The following THBS4 variants were observed in gnomAD, a reference collection of about 807,000 sequenced individuals.
THBS4 encodes thrombospondin 4.
Under a neutral mutation model 115.7 loss-of-function variants are expected in THBS4, and 90 were observed. The ratio of observed to expected loss-of-function variants is 0.78; its 90% CI spans 0.66 to 0.93. The LOEUF (loss-of-function observed/expected upper bound fraction) is 0.93. THBS4 is among the 40% of genes least tolerant of loss of function. THBS4 has a pLI of 0.00. For synonymous variants in THBS4, 460 were observed against 479.3 expected (o/e 0.96, Z 0.53); for missense variants, 1,087 against 1,232.7 (o/e 0.88, Z 1.77).
Position 79,993,645 on chromosome 5 carries a change from G to A in THBS4, n.81+2233G>A, listed in dbSNP as rs755055756. On this transcript the variant is annotated intron_variant and non_coding_transcript_variant, in intron 1 of 3. Coordinates refer to the THBS4 transcript ENST00000510218. ...TTTTCAAAAGATGATCATTAAGAAT[G>A]GTTTCATCTGGTGATAGTCATCTGA... is the stretch of plus-strand genomic sequence containing the variant. Among the ~76,000 whole-genome samples the A allele has an allele frequency of 1.0e-3, 155 of 152,278 alleles. No homozygotes were observed. The Middle Eastern group carries it at 0.014, about 13-fold the overall frequency.
chr5:80,012,821 T>G (rs1199631952), intron 2 of THBS4, among the ~76,000 whole-genome samples: 1 of 152,224 alleles, frequency 6.6e-6, no homozygotes, highest in Non-Finnish European at 1.5e-5. Context: ...AATTTCACTC[T>G]ACTTAAGTAG....
chr5:80,029,731 G>A lies in THBS4; in HGVS notation n.178-10346G>A, dbSNP rs554650289. On this transcript the variant is annotated intron_variant and non_coding_transcript_variant, in intron 2 of 3. Transcript: ENST00000510218. ...TCCCAGCACTTTGGGAGGCCGAGGC[G>A]GGCTGATCGTGAGGTCAGGAGATTG... 3.3e-4 allele frequency among the ~76,000 whole-genome samples: 50 copies of A among 151,878 alleles called. 1 individual carries two copies. Among genetic ancestry groups the A allele is most frequent in the African/African-American group, 1.1e-3 (44 of 41,402 alleles).
chr5:79,996,615 G>A (rs1323030771), intron 1 of THBS4, among the ~76,000 whole-genome samples: 1 of 152,156 alleles, frequency 6.6e-6, no homozygotes. Flanking sequence ...AGCATAAAAA[G>A]CCAAGTTCAT....
chr5:80,008,412 G>GT (rs536055656), intron 2 of THBS4, among the ~76,000 whole-genome samples: 150 of 151,020 alleles, frequency 9.9e-4, no homozygotes, highest in Non-Finnish European at 1.7e-3. Context: ...CCACATTATT[G>GT]TTTTTTTTTA....
chr5:80,021,678 C>A (rs1419788939), intron 2 of THBS4, among the ~76,000 whole-genome samples: 1 of 151,990 alleles, frequency 6.6e-6, no homozygotes, highest in Non-Finnish European at 1.5e-5. Context: ...TTTGTAGACA[C>A]GGGGTCTGTG....
intron 2 of THBS4, among the ~76,000 whole-genome samples, chr5:80,020,299 C>T (rs1296635209): frequency 6.6e-6 from 1 of 151,972 alleles, no homozygotes; most frequent in Non-Finnish European, 1.5e-5. Flanking sequence ...GGTGAAACCC[C>T]GTCTCTGCTA....
chr5:80,058,428 C>T (rs761775872), intron 4 of THBS4, 114 bp downstream of exon 4: 20 of 735,940 alleles, frequency 2.7e-5, no homozygotes, highest in Middle Eastern at 3.8e-4. Context: ...CCCAACAAAA[C>T]GTATCTATGA....
At chr5:80,055,279 C>G (rs1440505562) in intron 2 of THBS4, among the ~76,000 whole-genome samples, 1 of 151,466 alleles carries the variant, frequency 6.6e-6, no homozygotes, top group African/African-American at 2.4e-5. Flanking sequence ...CTGAGATCGT[C>G]CCACTGCACT....
intron 2 of THBS4, among the ~76,000 whole-genome samples, chr5:80,054,903 T>C (rs10474605): frequency 0.54 from 82,553 of 152,116 alleles, 22,726 homozygotes; most frequent in African/African-American, 0.63. Flanking sequence ...ATGGAATGAA[T>C]CACACTCAGG....
chr5:80,039,861 G>T (rs1347235252), intron 1 of THBS4, among the ~76,000 whole-genome samples: 1 of 152,194 alleles, frequency 6.6e-6, no homozygotes, highest in Non-Finnish European at 1.5e-5. Flanking sequence ...ACCCAGTGAT[G>T]AATATTGTGC....
At chr5:80,069,660 A>C (rs1173955761) in intron 10 of THBS4, among the ~76,000 whole-genome samples, 1 of 152,202 alleles carries the variant, frequency 6.6e-6, no homozygotes, top group East Asian at 1.9e-4. Flanking sequence ...CCTAGAGGAC[A>C]TTTTTTCCTC....
rs188338066 is a variant in THBS4, at chr5:79,999,010, T to A, written n.177+583T>A. 5.9e-3 allele frequency among the ~76,000 whole-genome samples: 901 copies of A among 152,344 alleles called. 11 individuals are homozygous for A. The highest frequency in any genetic ancestry group is 0.021 in the African/African-American group (853 of 41,570). On this transcript the variant is annotated intron_variant and non_coding_transcript_variant, in intron 2 of 3. Transcript: ENST00000510218. The stretch of plus-strand genomic sequence containing the variant: ...GCTCTCCAGGAAATCATCTTAGGAC[T>A]GGGTAACCCCACTACACCCCTGGGA...
rs1743595108 is a variant in THBS4 at position 80,082,937 on chromosome 5, A to G, written c.2825-143A>G. 4 of 757,928 alleles carry G rather than the reference A, an allele frequency of 5.3e-6. No homozygotes were observed. The East Asian group carries it at 9.9e-5, about 19-fold the overall frequency. 47.0% of individuals were successfully genotyped at this position (757,928 alleles called of 1,614,324 possible). On this transcript the variant is annotated intron_variant, in intron 21 of 21. Coordinates refer to ENST00000350881, the MANE Select transcript of THBS4 (RefSeq NM_003248.6). ...GCCAACGGTTTGCAAAGCAGCCTGCAGGAGAAAATGGCGGCGAGGGCCTGC... is the reference window on the plus strand; with the variant it reads ...GCCAACGGTTTGCAAAGCAGCCTGCGGGAGAAAATGGCGGCGAGGGCCTGC...
At chr5:79,994,603 A>C (rs1831752401) in intron 1 of THBS4, among the ~76,000 whole-genome samples, 1 of 152,180 alleles carries the variant, frequency 6.6e-6, no homozygotes, top group Admixed American at 6.5e-5. Context: ...CCAGGAGTTC[A>C]AGACAAGCTT....
intron 7 of THBS4, 122 bp from the exon 8 acceptor site, chr5:80,061,573 T>G: frequency 7.5e-7 from 1 of 1,330,720 alleles, no homozygotes; most frequent in South Asian, 1.6e-5. Flanking sequence ...CTTTATTTCC[T>G]TTTATTATTT....
In THBS4 at chr5:80,020,499, C is replaced by A. The variant is rs1032085650; in HGVS notation, n.178-19578C>A. On this transcript the variant is annotated intron_variant and non_coding_transcript_variant, in intron 2 of 3. Coordinates refer to the THBS4 transcript ENST00000510218. ...AAAAAACAAAAAACAAACAAACAAA[C>A]AAAAAAAGAAAGTGAAATGTGTGTC... is the stretch of plus-strand genomic sequence containing the variant. Among the ~76,000 whole-genome samples, 7 of 152,026 alleles carry A rather than the reference C, an allele frequency of 4.6e-5. No homozygotes were observed. The South Asian group carries it at 6.3e-4, about 14-fold the overall frequency.
chr5:80,031,667 A>G (rs1470663011), upstream of THBS4, among the ~76,000 whole-genome samples: 1 of 152,216 alleles, frequency 6.6e-6, no homozygotes, highest in African/African-American at 2.4e-5. Context: ...CAGCACAGGC[A>G]TGCTATCATG....
At chr5:80,015,187 A>G (rs1276179172) in intron 2 of THBS4, among the ~76,000 whole-genome samples, 3 of 152,364 alleles carry the variant, frequency 2.0e-5, no homozygotes, top group South Asian at 2.1e-4. Flanking sequence ...ACCCTATCAT[A>G]CTTTTCCTTT....
rs748192845 is a variant in THBS4, at chr5:80,035,638, G to C, written c.88+13G>C. 4 of 1,337,286 alleles carry C rather than the reference G, an allele frequency of 3.0e-6. No individual in the cohort carries two copies. In the African/African-American group the frequency reaches 6.1e-5, roughly 20 times the overall value. The allele number at this position is 1,337,286 out of a possible 1,614,324, so 82.8% of individuals were successfully genotyped here. Reference sequence around the variant, plus strand: ...GCCACCCCCCAGGGTAAGTGGGTTCGGGTCGGGCCTGGGAGCGCCGGGCAC... The same window carrying C: ...GCCACCCCCCAGGGTAAGTGGGTTCCGGTCGGGCCTGGGAGCGCCGGGCAC... On this transcript the variant is annotated intron_variant, in intron 1 of 21. Transcript: ENST00000350881. The surrounding 1 kb of genome is among the most constrained non-coding windows in gnomAD (Gnocchi z 4.6).
Sources: gnomAD v4.1 joint callset for allele counts (sites outside exome capture counted in the v4.1 genomes callset) on GRCh38, gnomAD v4.1.1 for gene constraint, Gnocchi (gnomAD v3.1) non-coding constraint, MANE v1.5 for transcripts, NCBI Gene and HGNC (gene_info 2026-07-23, HGNC 2026-07-21) for gene names.